Variants in DIAPH2 observed in about 807,000 individuals in gnomAD.
DIAPH2 encodes diaphanous related formin 2.
In DIAPH2, 35 loss-of-function variants were observed where a neutral mutation model predicts 92.7. The observed-to-expected ratio is 0.38, with a 90% CI of 0.29 to 0.50. DIAPH2 has a LOEUF of 0.50. Among genes scored for constraint, DIAPH2 ranks in the 20% least tolerant of loss-of-function variants. DIAPH2 has a pLI of 0.94. For synonymous variants in DIAPH2, 301 were observed against 280.4 expected (o/e 1.07, Z -0.73); for missense variants, 701 against 819.5 (o/e 0.86, Z 1.77).
intron 23 of DIAPH2, among the ~76,000 whole-genome samples, chrX:97,326,680 C>T (rs2068953878): frequency 8.9e-6 from 1 of 112,505 alleles, no homozygotes; most frequent in African/African-American, 3.2e-5. Context: ...TTGTGGTTTG[C>T]AGTTCTGCTG....
chrX:96,973,688 C>CTTTTTTTTTTT (rs1169211955), intron 17 of DIAPH2, among the ~76,000 whole-genome samples: 1 of 46,703 alleles, frequency 2.1e-5, no homozygotes, highest in Admixed American at 3.1e-4. Flanking sequence ...TGAATATTTG[C>CTTTTTTTTTTT]TTTTTTTTTT....
At position 97,348,234 on chromosome X, in the gene DIAPH2, T is replaced by C; in HGVS notation, c.2963T>C (p.Ile988Thr). 8.3e-7 allele frequency: 1 copy of C among 1,210,140 alleles called. No individual in the cohort carries two copies. Among genetic ancestry groups the C allele is most frequent in the Non-Finnish European group, 1.1e-6 (1 of 894,953 alleles). The stretch of plus-strand genomic sequence containing the variant: ...ATTTTTGACTCAAAGACAGTGAGCA[T>C]AGAAGAGTTCTTTGGTGATCTCAAC... ...YFIFDSKTVSIEEFFGDLNNF... is the reference protein window; with the variant it reads ...YFIFDSKTVSTEEFFGDLNNF... Residue 988 changes from isoleucine (I) to threonine (T), a missense_variant, in exon 24 of 27, where the codon ATA becomes ACA. This residue lies in a region of DIAPH2 where 536 missense variants were observed against 599.3 expected (regional missense o/e 0.89). Coordinates refer to ENST00000324765, the MANE Select transcript of DIAPH2 (RefSeq NM_006729.5).
intron 26 of DIAPH2, among the ~76,000 whole-genome samples, chrX:97,491,003 G>C (rs1207849539): frequency 9.0e-6 from 1 of 110,694 alleles, no homozygotes; most frequent in Non-Finnish European, 1.9e-5. Context: ...TCAAAAGTGG[G>C]ATATGAATTA....
At chrX:97,393,166 G>A (rs1365243726) in intron 25 of DIAPH2, among the ~76,000 whole-genome samples, 1 of 111,234 alleles carries the variant, frequency 9.0e-6, no homozygotes, top group African/African-American at 3.3e-5. Context: ...GTGATGAAAA[G>A]GGAGTGAGCT....
intron 26 of DIAPH2, among the ~76,000 whole-genome samples, chrX:97,443,092 A>G (rs750643374): frequency 2.1e-4 from 23 of 110,688 alleles, no homozygotes; most frequent in African/African-American, 6.9e-4. Context: ...TTGTAGACAG[A>G]GTCTCACTAT....
At chrX:96,693,514 T>C (rs1001818001) in intron 1 of DIAPH2, among the ~76,000 whole-genome samples, 6 of 112,013 alleles carry the variant, frequency 5.4e-5, no homozygotes, top group African/African-American at 9.8e-5. Context: ...TACACTTGCA[T>C]TGTGAGCTTT....
chrX:97,382,587 A>G (rs1008788573), intron 24 of DIAPH2, among the ~76,000 whole-genome samples: 2 of 112,001 alleles, frequency 1.8e-5, no homozygotes, highest in African/African-American at 6.5e-5. Flanking sequence ...TGATTCTAGT[A>G]TGCCAGTTTA....
At chrX:96,885,420 T>G (rs1378071400) in intron 5 of DIAPH2, 2 of 92,646 alleles carry the variant, frequency 2.2e-5, no homozygotes, top group African/African-American at 1.2e-4. Flanking sequence ...AAAGAAAAAC[T>G]AGTTGCAGTC....
At chrX:97,412,070 T>A (rs936065405) in intron 25 of DIAPH2, among the ~76,000 whole-genome samples, 2 of 111,795 alleles carry the variant, frequency 1.8e-5, no homozygotes, top group African/African-American at 3.3e-5. Context: ...ACATCTACAG[T>A]ACTCTCCACC....
intron 23 of DIAPH2, among the ~76,000 whole-genome samples, chrX:97,298,240 T>G (rs1375787043): frequency 2.8e-5 from 3 of 105,579 alleles, no homozygotes; most frequent in African/African-American, 1.0e-4. Context: ...TCAGGTTTTT[T>G]TTTTTTTTTT....
chrX:97,176,296 T>G (rs5921526), intron 22 of DIAPH2, among the ~76,000 whole-genome samples: 3,415 of 111,872 alleles, frequency 0.031, 50 homozygotes, highest in Middle Eastern at 0.051. Context: ...CTTTGCCCTC[T>G]TTTATTATTA....
At chrX:97,336,752 C>A (rs1395912100) in intron 23 of DIAPH2, among the ~76,000 whole-genome samples, 3 of 111,138 alleles carry the variant, frequency 2.7e-5, no homozygotes, top group African/African-American at 9.8e-5. Context: ...AATCACTCTG[C>A]TGGGTGACTA....
At chrX:96,805,318 G>T (rs992842278) in intron 4 of DIAPH2, among the ~76,000 whole-genome samples, 1 of 110,779 alleles carries the variant, frequency 9.0e-6, no homozygotes, top group Non-Finnish European at 1.9e-5. Flanking sequence ...TGGGGTGGGT[G>T]TTGCAATTTT....
chrX:97,402,207 C>T (rs867820698), intron 25 of DIAPH2, among the ~76,000 whole-genome samples: 1 of 99,842 alleles, frequency 1.0e-5, no homozygotes, highest in African/African-American at 3.6e-5. Flanking sequence ...TCATTTGCAT[C>T]GTGTGTGTGT....
intron 4 of DIAPH2, among the ~76,000 whole-genome samples, chrX:96,783,137 G>A (rs754433201): frequency 3.6e-5 from 4 of 111,769 alleles, no homozygotes; most frequent in Non-Finnish European, 7.5e-5. Context: ...AAAGGACGGT[G>A]TGGGGATCTA....
intron 26 of DIAPH2, among the ~76,000 whole-genome samples, chrX:97,548,091 G>A (rs1306957837): frequency 8.9e-6 from 1 of 111,951 alleles, no homozygotes; most frequent in Non-Finnish European, 1.9e-5. Flanking sequence ...CCAAGTTCAT[G>A]CTCTAATATC....
At position 97,156,493 on chromosome X, in the gene DIAPH2, C is replaced by T. The variant is rs376387587; in HGVS notation, c.2719+14699C>T. ...AAGACATTTTTGAAAAAATGATTTA[C>T]GGATACAATTTTAACTCTTTCATTG... is the stretch of plus-strand genomic sequence containing the variant. On this transcript the variant is annotated intron_variant, in intron 22 of 26. Coordinates refer to ENST00000324765, the MANE Select transcript of DIAPH2 (RefSeq NM_006729.5). 3.8e-4 allele frequency among the ~76,000 whole-genome samples: 43 copies of T among 112,001 alleles called. No homozygotes were observed. The South Asian group carries it at 0.014, about 36-fold the overall frequency.
Position 97,076,438 on chromosome X carries a change from A to T in DIAPH2, c.2247+1177A>T, listed in dbSNP as rs1175688063. Among the ~76,000 whole-genome samples, 10 of 111,321 alleles carry T rather than the reference A, an allele frequency of 9.0e-5. No homozygotes were observed. In the Admixed American group the frequency reaches 9.5e-4, roughly 11 times the overall value. ...TCCCAGCTACTCAGGAGGCTGAGGC[A>T]GGAGAATCACTTGAACCTGGGAGGT... On this transcript the variant is annotated intron_variant, in intron 19 of 26. Transcript: ENST00000324765.
intron 26 of DIAPH2, among the ~76,000 whole-genome samples, chrX:97,516,323 A>G (rs1289765348): frequency 1.8e-5 from 2 of 112,180 alleles, no homozygotes; most frequent in African/African-American, 6.5e-5. Flanking sequence ...TATTTACTGA[A>G]GAAATACTAT....
Sources: gnomAD v4.1 joint callset for allele counts (sites outside exome capture counted in the v4.1 genomes callset) on GRCh38, gnomAD v4.1.1 for gene constraint, gnomAD v4.1.1 regional missense constraint, MANE v1.5 for transcripts, NCBI Gene and HGNC (gene_info 2026-07-23, HGNC 2026-07-21) for gene names.